NDST4: variants seen among roughly 807,000 people sequenced by gnomAD.
The protein encoded by NDST4 is N-heparan sulfate sulfotransferase 4.
A neutral mutation model predicts 100.8 loss-of-function variants in NDST4; 63 were observed. The observed-to-expected ratio is 0.62, with a 90% CI of 0.51 to 0.77. The LOEUF (loss-of-function observed/expected upper bound fraction) is 0.77. NDST4 is among the 30% of genes least tolerant of loss of function. NDST4 has a pLI of 0.00. For missense variants in NDST4, 943 were observed against 1,018.4 expected (o/e 0.93, Z 1.01); for synonymous variants, 377 against 361.8 (o/e 1.04, Z -0.48).
At chr4:115,107,652 T>C (rs505277) in intron 1 of NDST4, among the ~76,000 whole-genome samples, 112,908 of 151,902 alleles carry the variant, frequency 0.74, 42,284 homozygotes, top group African/African-American at 0.79. Context: ...CAGGCACTAC[T>C]GTGGGGTCTT....
At chr4:115,011,262 C>T (rs1560857878) in intron 2 of NDST4, among the ~76,000 whole-genome samples, 1 of 151,918 alleles carries the variant, frequency 6.6e-6, no homozygotes, top group Non-Finnish European at 1.5e-5. Context: ...TACTGATAGG[C>T]CAAACAATTA....
chr4:114,997,596 CTTGTA>C (rs892022949), intron 2 of NDST4, among the ~76,000 whole-genome samples: 2 of 151,902 alleles, frequency 1.3e-5, no homozygotes, highest in Non-Finnish European at 2.9e-5. Context: ...TTAATTCAGT[CTTGTA>C]TTGTTTTTGT....
At chr4:114,856,323 C>T (rs1723792595) in intron 7 of NDST4, among the ~76,000 whole-genome samples, 1 of 152,110 alleles carries the variant, frequency 6.6e-6, no homozygotes, top group Non-Finnish European at 1.5e-5. Context: ...CTTGGGCTCC[C>T]AAGGTGCTGG....
intron 6 of NDST4, among the ~76,000 whole-genome samples, chr4:114,879,065 T>G (rs953344511): frequency 1.3e-5 from 2 of 152,132 alleles, no homozygotes; most frequent in Admixed American, 1.3e-4. Context: ...ATAATAATTG[T>G]ATATATTTAT....
intron 2 of NDST4, among the ~76,000 whole-genome samples, chr4:115,073,074 AT>A (rs1343251538): frequency 6.6e-6 from 1 of 152,012 alleles, no homozygotes; most frequent in Admixed American, 6.6e-5. Flanking sequence ...TAAAAATAAC[AT>A]CGCTAACTAT....
chr4:114,923,985 A>T (rs1013596319), intron 6 of NDST4, among the ~76,000 whole-genome samples: 2 of 152,080 alleles, frequency 1.3e-5, no homozygotes, highest in Non-Finnish European at 2.9e-5. Context: ...CTGGAAATAC[A>T]CAGCAGTGCA....
intron 1 of NDST4, among the ~76,000 whole-genome samples, chr4:115,081,592 C>G (rs903524330): frequency 2.0e-5 from 3 of 151,752 alleles, no homozygotes; most frequent in Non-Finnish European, 4.4e-5. Flanking sequence ...TCAAAAGGCA[C>G]GTGTTAAATG....
chr4:115,030,895 G>T (rs948524861), intron 2 of NDST4, among the ~76,000 whole-genome samples: 3 of 152,034 alleles, frequency 2.0e-5, no homozygotes, highest in Non-Finnish European at 4.4e-5. Context: ...AGTTAATTCA[G>T]AAAAGAGTTA....
intron 6 of NDST4, among the ~76,000 whole-genome samples, chr4:114,877,718 C>T (rs2389041): frequency 0.086 from 13,039 of 152,024 alleles, 1,639 homozygotes; most frequent in African/African-American, 0.27. Flanking sequence ...GGAGGCTGGG[C>T]GGGCAGATCA....
chr4:115,095,951 A>T (rs1458603260), intron 1 of NDST4, among the ~76,000 whole-genome samples: 1 of 152,070 alleles, frequency 6.6e-6, no homozygotes, highest in African/African-American at 2.4e-5. Context: ...CAACATCAAC[A>T]ATATTTCAAA....
At chr4:114,969,321 GAAAAAA>G (rs70964334) in intron 4 of NDST4, among the ~76,000 whole-genome samples, 5 of 90,720 alleles carry the variant, frequency 5.5e-5, no homozygotes, top group East Asian at 3.6e-4. Context: ...CTCAAAAAAA[GAAAAAA>G]AAAAAAAAAA....
At chr4:114,858,815 C>T (rs886648752) in intron 7 of NDST4, among the ~76,000 whole-genome samples, 3 of 152,056 alleles carry the variant, frequency 2.0e-5, no homozygotes, top group Non-Finnish European at 2.9e-5. Context: ...AGGGAAGATT[C>T]CACCAGGAGA....
chr4:115,084,862 T>A (rs112603719), intron 1 of NDST4, among the ~76,000 whole-genome samples: 2 of 97,176 alleles, frequency 2.1e-5, no homozygotes, highest in South Asian at 5.5e-4. Context: ...GGAAGGGAAA[T>A]GTGGGGTTGT....
At chr4:115,037,902 A>G (rs1429426036) in intron 2 of NDST4, among the ~76,000 whole-genome samples, 1 of 152,182 alleles carries the variant, frequency 6.6e-6, no homozygotes, top group Non-Finnish European at 1.5e-5. Flanking sequence ...AGAGAAAAGG[A>G]AAGTGATATG....
At chr4:114,991,296 C>T (rs186962277) in intron 2 of NDST4, among the ~76,000 whole-genome samples, 4 of 152,030 alleles carry the variant, frequency 2.6e-5, no homozygotes, top group African/African-American at 9.7e-5. Flanking sequence ...ATTAAAGAGG[C>T]TTTACTCCTA....
chr4:114,978,567 G>A (rs1405215642), intron 2 of NDST4, among the ~76,000 whole-genome samples: 1 of 151,986 alleles, frequency 6.6e-6, no homozygotes, highest in Non-Finnish European at 1.5e-5. Context: ...ATTTCTCATA[G>A]AGATTAAACT....
chr4:115,101,041 G>GA lies in NDST4; in HGVS notation c.-247+12402dup, dbSNP rs924794434. Among the ~76,000 whole-genome samples the GA allele has an allele frequency of 2.5e-4, 37 of 150,236 alleles. No homozygotes were observed. The Middle Eastern group carries it at 0.01, about 42-fold the overall frequency. On this transcript the variant is annotated intron_variant, in intron 1 of 13. Coordinates refer to ENST00000264363, the MANE Select transcript of NDST4 (RefSeq NM_022569.3). ...ATTTGGTGATTGATTGGATGTAGAG[G>GA]AAAAAAAAATCACCCAAAGACTTCA...
intron 11 of NDST4, among the ~76,000 whole-genome samples, chr4:114,836,326 G>C (rs1221522485): frequency 6.6e-6 from 1 of 152,150 alleles, no homozygotes; most frequent in Non-Finnish European, 1.5e-5. Flanking sequence ...AAATCCCTCA[G>C]CATTTGCTTC....
intron 2 of NDST4, among the ~76,000 whole-genome samples, chr4:115,058,980 T>TACAC (rs36080386): frequency 0.021 from 3,158 of 148,860 alleles, 63 homozygotes; most frequent in African/African-American, 0.052. Context: ...GTTCTGAAGC[T>TACAC]ACACACACAC....
Sources: gnomAD v4.1 joint callset for allele counts (sites outside exome capture counted in the v4.1 genomes callset) on GRCh38, gnomAD v4.1.1 for gene constraint, MANE v1.5 for transcripts, NCBI Gene and HGNC (gene_info 2026-07-23, HGNC 2026-07-21) for gene names.